The following RENBP variants were observed in gnomAD, a reference collection of about 807,000 sequenced individuals.
RENBP encodes the protein renin binding protein, also known as N-acylglucosamine 2-epimerase.
RENBP carries 16 observed loss-of-function variants against 37.8 expected under a neutral mutation model. The observed-to-expected ratio is 0.42, with a 90% confidence interval of 0.29 to 0.64. RENBP has a LOEUF of 0.64. RENBP is among the 30% of genes least tolerant of loss of function. The pLI is 0.19. For missense variants in RENBP, 347 were observed against 379.5 expected, an observed-to-expected ratio of 0.91 and a Z score of 0.71; for synonymous variants, 170 against 154.8, an observed-to-expected ratio of 1.10 and a Z score of -0.73.
chrX:153,941,332 C>G (rs1317843872), intron 8 of RENBP, 146 bp downstream of exon 8: 3 of 579,287 alleles, frequency 5.2e-6, no homozygotes, highest in Non-Finnish European at 8.1e-6. Context: ...ATCACGACCC[C>G]TTTCCTGTAA....
intron 5 of RENBP, 152 bp downstream of exon 5, chrX:153,943,394 C>T: frequency 1.7e-6 from 1 of 587,965 alleles, no homozygotes. Context: ...CCGTCTGCGC[C>T]CCTGTGGGGG....
chrX:153,942,882 G>C lies in RENBP; in HGVS notation c.660C>G (p.Cys220Trp). Residue 220 changes from cysteine (C) to tryptophan (W), a missense_variant, in exon 6 of 11, where the codon TGC (cysteine) becomes TGG (tryptophan). Cys to Trp is a radical substitution (Grantham distance 215). This residue lies in a region of RENBP where 244 missense variants were observed against 279.4 expected (regional missense o/e 0.87). Coordinates refer to ENST00000393700, the MANE Select transcript of RENBP (RefSeq NM_002910.6). ...AGKYAELGDW[C>W]ARRILQHVQR... is the part of the protein sequence containing the mutation. ...GCACGTGCTGCAGAATCCTCCGGGC[G>C]CACCAGTCCCCCAGCTCTGCGTATT... 1.7e-6 allele frequency: 2 copies of C among 1,209,915 alleles called. No individual in the cohort carries two copies. The highest frequency in any genetic ancestry group is 1.8e-5 in the South Asian group (1 of 56,973).
intron 6 of RENBP, 138 bp downstream of exon 6, chrX:153,942,717 G>A (rs1264172446): frequency 1.9e-5 from 10 of 533,236 alleles, no homozygotes; most frequent in Non-Finnish European, 2.9e-5. Flanking sequence ...CCTCCCTCCA[G>A]CCCTCAGGCC....
chrX:153,938,782 G>GTTTTTTTTTTT lies in RENBP; in HGVS notation c.1077+1309_1077+1319dup, dbSNP rs1392436888. ...CATAGATCTCAGCAGCATCTGTACTGTTTTTTTTTTTTTGTTTTTTTTTTT... is the reference window on the plus strand; with the variant it reads ...CATAGATCTCAGCAGCATCTGTACTGTTTTTTTTTTTTTTTTTTTTTTTTGTTTTTTTTTTT... On this transcript the variant is annotated intron_variant, in intron 9 of 10. Transcript: ENST00000393700. 6.6e-5 allele frequency among the ~76,000 whole-genome samples: 5 copies of GTTTTTTTTTTT among 75,509 alleles called. 1 individual carries two copies. The highest frequency in any genetic ancestry group is 1.8e-4 in the African/African-American group (3 of 16,704). 65.6% of individuals were successfully genotyped at this position (75,509 alleles called of 115,157 possible). A position where few individuals can be genotyped will look rare whatever the true frequency, so the allele number is the denominator to read the frequency against.
At chrX:153,937,928 G>A (rs1053701537) in intron 9 of RENBP, among the ~76,000 whole-genome samples, 29 of 110,230 alleles carry the variant, frequency 2.6e-4, no homozygotes, top group African/African-American at 6.6e-4. Flanking sequence ...ACGGGGTTTC[G>A]CCATGTTGAC....
chrX:153,943,997 T>A (rs986735131), intron 3 of RENBP, 27 bp from the exon 4 acceptor site: 2 of 1,206,845 alleles, frequency 1.7e-6, no homozygotes, highest in Non-Finnish European at 2.2e-6. Context: ...GGAAAGTGGC[T>A]TAAGTGGCCG....
At chrX:153,940,587 A>G (rs1283929307) in intron 8 of RENBP, among the ~76,000 whole-genome samples, 1 of 111,687 alleles carries the variant, frequency 9.0e-6, no homozygotes, top group African/African-American at 3.3e-5. Context: ...CGGCTGAGGC[A>G]TTCTAAGTCG....
intron 5 of RENBP, 60 bp from the exon 6 acceptor site, chrX:153,943,139 T>A (rs2065235016): frequency 1.1e-6 from 1 of 877,099 alleles, no homozygotes; most frequent in Non-Finnish European, 1.5e-6. Flanking sequence ...GCCATCCCCC[T>A]GGACACGGCC....
intron 7 of RENBP, 105 bp from the exon 8 acceptor site, chrX:153,941,758 A>G (rs1175282794): frequency 2.6e-6 from 2 of 772,726 alleles, no homozygotes; most frequent in Non-Finnish European, 3.7e-6. Flanking sequence ...CTCCCTAACA[A>G]TGAGCGAGGC....
chrX:153,944,405 T>C lies in RENBP; in HGVS notation c.41A>G (p.Glu14Gly). ...CTTCCAGGCCTGCAGAGTCTCTCGCTCTTTCTCCATGTCCTAGGGGAAATG... is the reference window on the plus strand; with the variant it reads ...CTTCCAGGCCTGCAGAGTCTCTCGCCCTTTCTCCATGTCCTAGGGGAAATG... ...GLPARQDMEK[E>G]RETLQAWKER... is the part of the protein sequence containing the mutation. The change falls in exon 2 of 11, where the codon GAG becomes GGG. Residue 14 changes from glutamate (E) to glycine (G), a missense_variant. Glu to Gly is a moderately conservative substitution (Grantham distance 98). This residue lies in a region of RENBP where 244 missense variants were observed against 279.4 expected (regional missense o/e 0.87). Coordinates refer to ENST00000393700, the MANE Select transcript of RENBP (RefSeq NM_002910.6). 1 of 1,209,379 alleles carries C rather than the reference T, an allele frequency of 8.3e-7. No homozygotes were observed. Among genetic ancestry groups the C allele is most frequent in the Non-Finnish European group, 1.1e-6 (1 of 893,661 alleles).
intron 1 of RENBP, 24 bp from the exon 2 acceptor site, chrX:153,944,442 C>T (rs1557110231): frequency 3.4e-6 from 4 of 1,188,318 alleles, no homozygotes; most frequent in South Asian, 3.5e-5. Context: ...GGCTTGAAGG[C>T]GCAGCCCCCA....
At chrX:153,935,622 C>G in intron 9 of RENBP, 46 bp from the exon 10 acceptor site, 1 of 1,044,551 alleles carries the variant, frequency 9.6e-7, no homozygotes, top group South Asian at 1.9e-5. Flanking sequence ...AGGACCCGCC[C>G]AGATGCCACT....
At chrX:153,940,338 G>C in intron 8 of RENBP, 105 bp from the exon 9 acceptor site, 2 of 992,837 alleles carry the variant, frequency 2.0e-6, no homozygotes, top group South Asian at 4.4e-5. Flanking sequence ...GTGAATTGCG[G>C]GACATCTTTG....
rs782462665 is a variant in RENBP at position 153,940,063 on chromosome X, CCATT to C, written c.1077+35_1077+38del. 2.5e-6 allele frequency: 3 copies of C among 1,201,259 alleles called. No individual in the cohort carries two copies. The African/African-American group carries it at 5.3e-5, about 21-fold the overall frequency. ...GCCGGGCCAGACTCCCCCCATTCCC[CCATT>C]CAGCCTCTAGAGGGGACAAGGAGGC... On this transcript the variant is annotated intron_variant, in intron 9 of 10. Transcript: ENST00000393700.
Position 153,942,856 on chromosome X carries a change from T to G in RENBP, c.686A>C (p.Gln229Pro). 1 of 965,978 alleles carries G rather than the reference T, an allele frequency of 1.0e-6. No individual in the cohort carries two copies. Among genetic ancestry groups the G allele is most frequent in the Non-Finnish European group, 1.4e-6 (1 of 706,956 alleles). The allele number at this position is 965,978 out of a possible 1,213,427, so 79.6% of individuals were successfully genotyped here. A position where few individuals can be genotyped will look rare whatever the true frequency, so the allele number is the denominator to read the frequency against. ...CCCAGCTCCCCAGGCATCCCCCACC[T>G]GCACGTGCTGCAGAATCCTCCGGGC... ...WCARRILQHVQRDGQAVLENV... is the reference protein window; with the variant it reads ...WCARRILQHVPRDGQAVLENV... Residue 229 changes from glutamine (Q) to proline (P), a missense_variant and splice_region_variant, in exon 6 of 11, where the codon CAG (glutamine) becomes CCG (proline). This residue lies in a region of RENBP where 244 missense variants were observed against 279.4 expected (regional missense o/e 0.87). Transcript: ENST00000393700.
intron 10 of RENBP, 24 bp downstream of exon 10, chrX:153,935,465 G>A (rs781819467): frequency 5.9e-6 from 7 of 1,177,959 alleles, no homozygotes; most frequent in Non-Finnish European, 8.1e-6. Context: ...CAACCCCTGC[G>A]GCCCCGCCCT....
rs2065220216 is a variant in RENBP, at chrX:153,940,159, A to G, written c.1020T>C (p.Ser340=). ...MIAFLMGYSD[S]GDPVLLRLFY... is the part of the protein sequence containing the mutation. Reference sequence around the variant, plus strand: ...AGAGGCGCAGCAGCACAGGGTCCCCACTGTCACTGTAACCCATGAGGAAGG... The same window carrying G: ...AGAGGCGCAGCAGCACAGGGTCCCCGCTGTCACTGTAACCCATGAGGAAGG... Residue 340 remains serine, a synonymous_variant, in exon 9 of 11, where the codon AGT becomes AGC. Coordinates refer to ENST00000393700, the MANE Select transcript of RENBP (RefSeq NM_002910.6). 1 of 1,208,302 alleles carries G rather than the reference A, an allele frequency of 8.3e-7. No homozygotes were observed. Among genetic ancestry groups the G allele is most frequent in the Non-Finnish European group, 1.1e-6 (1 of 894,441 alleles).
rs782638616 is a variant in RENBP at position 153,935,518 on chromosome X, G to A, written c.1136C>T (p.Ala379Val). The change falls in exon 10 of 11, where the codon GCC becomes GTC. Residue 379 changes from alanine to valine, a missense_variant. Coordinates refer to ENST00000393700, the MANE Select transcript of RENBP (RefSeq NM_002910.6). The stretch of plus-strand genomic sequence containing the variant: ...GAAAGGACCTCCCTTGATGGAGAGG[G>A]CCACCTTGCCCTCTCGGCTCAGGTA... ...FGYLSREGKV[A>V]LSIKGGPFKG... is the part of the protein sequence containing the mutation. The A allele has an allele frequency of 8.3e-6, 10 of 1,209,844 alleles. No individual in the cohort carries two copies. In the Admixed American group the frequency reaches 1.5e-4, roughly 18 times the overall value.
chrX:153,940,023 G>A, intron 9 of RENBP, 79 bp downstream of exon 9: 1 of 1,116,113 alleles, frequency 9.0e-7, no homozygotes, highest in Non-Finnish European at 1.2e-6. Context: ...TGCTCAGCGA[G>A]GGGGCAAGAG....
Sources: allele counts gnomAD v4.1 joint callset (sites outside exome capture counted in the v4.1 genomes callset), GRCh38; gene constraint gnomAD v4.1.1; regional missense constraint gnomAD v4.1.1; transcripts MANE v1.5; gene names NCBI Gene and HGNC (gene_info 2026-07-23, HGNC 2026-07-21).